PXDNL: variants seen among roughly 807,000 people sequenced by gnomAD.
PXDNL encodes peroxidasin like.
Under a neutral mutation model 150.8 loss-of-function variants are expected in PXDNL, and 145 were observed. The observed-to-expected ratio is 0.96, with a 90% confidence interval of 0.84 to 1.10. The LOEUF is 1.10. PXDNL is among the 50% of genes least tolerant of loss of function. The pLI is 0.00. For synonymous variants in PXDNL, 757 were observed against 725.7 expected (o/e 1.04, Z -0.69); for missense variants, 2,087 against 1,873.9 (o/e 1.11, Z -2.10).
At chr8:51,556,738 A>G (rs1023719894) in intron 4 of PXDNL, 102 bp downstream of exon 4, 18 of 692,982 alleles carry the variant, frequency 2.6e-5, no homozygotes, top group Non-Finnish European at 3.6e-5. Context: ...CCACATGGAG[A>G]AGCTTAAAAT....
chr8:51,663,264 A>G (rs1815312695), intron 1 of PXDNL, among the ~76,000 whole-genome samples: 1 of 152,160 alleles, frequency 6.6e-6, no homozygotes, highest in Non-Finnish European at 1.5e-5. Flanking sequence ...CTGAGACCCC[A>G]GTGATGGACC....
At chr8:51,482,608 A>G (rs750373842) in intron 6 of PXDNL, among the ~76,000 whole-genome samples, 2 of 152,074 alleles carry the variant, frequency 1.3e-5, no homozygotes. Flanking sequence ...AATAATCCCC[A>G]TGTGTCAAGG....
chr8:51,567,368 G>A (rs983506256), intron 3 of PXDNL, among the ~76,000 whole-genome samples: 5 of 151,782 alleles, frequency 3.3e-5, no homozygotes, highest in African/African-American at 1.2e-4. Context: ...ATAGAGGCAT[G>A]TTGAAGCCTT....
At chr8:51,528,415 A>G (rs1310621311) in intron 4 of PXDNL, among the ~76,000 whole-genome samples, 2 of 152,260 alleles carry the variant, frequency 1.3e-5, no homozygotes, top group Non-Finnish European at 2.9e-5. Context: ...AATGTTTAAA[A>G]TGAATTATAG....
intron 1 of PXDNL, among the ~76,000 whole-genome samples, chr8:51,796,266 G>T (rs1005612521): frequency 6.8e-6 from 1 of 148,054 alleles, no homozygotes; most frequent in Non-Finnish European, 1.5e-5. Context: ...AAATAACCAA[G>T]ATCAGAGTGG....
intron 1 of PXDNL, among the ~76,000 whole-genome samples, chr8:51,717,151 G>A (rs1311220448): frequency 6.6e-6 from 1 of 152,116 alleles, no homozygotes; most frequent in Non-Finnish European, 1.5e-5. Flanking sequence ...TTACCAGTGG[G>A]AATGAGAAAG....
chr8:51,501,073 T>A (rs899991646), intron 4 of PXDNL, among the ~76,000 whole-genome samples: 1 of 152,152 alleles, frequency 6.6e-6, no homozygotes, highest in African/African-American at 2.4e-5. Context: ...CTGCCTTAGG[T>A]TGGATCCAGA....
chr8:51,471,139 C>CAA (rs5891416), intron 8 of PXDNL, among the ~76,000 whole-genome samples: 56 of 113,008 alleles, frequency 5.0e-4, no homozygotes, highest in East Asian at 3.7e-3. Flanking sequence ...AACAAATTTA[C>CAA]AAAAAAAAAA....
chr8:51,505,245 T>C (rs1450351254), intron 4 of PXDNL, among the ~76,000 whole-genome samples: 3 of 152,146 alleles, frequency 2.0e-5, no homozygotes, highest in African/African-American at 7.2e-5. Flanking sequence ...CTTCCTATGA[T>C]CTTTAAAACA....
rs1400744235 is a variant in PXDNL, at chr8:51,378,576, C to T, written c.3558-3845G>A. 8.5e-5 allele frequency among the ~76,000 whole-genome samples: 13 copies of T among 152,334 alleles called. No individual in the cohort carries two copies. In the East Asian group the frequency reaches 2.3e-3, roughly 27 times the overall value. On this transcript the variant is annotated intron_variant, in intron 17 of 22. Transcript: ENST00000356297. ...CAATCCTCTGGGGTACCATTCCACT[C>T]TGTGGAAGATTTGTTCTTTTGCGCT...
intron 12 of PXDNL, among the ~76,000 whole-genome samples, chr8:51,431,812 T>A (rs535494011): frequency 6.6e-6 from 1 of 152,210 alleles, no homozygotes; most frequent in Non-Finnish European, 1.5e-5. Context: ...ACATTAATTC[T>A]CAGCAAGCAT....
chr8:51,584,110 A>G (rs1347148170), intron 3 of PXDNL, among the ~76,000 whole-genome samples: 1 of 152,214 alleles, frequency 6.6e-6, no homozygotes, highest in East Asian at 1.9e-4. Flanking sequence ...TACTTCCTTG[A>G]AGATTGGGCT....
intron 4 of PXDNL, among the ~76,000 whole-genome samples, chr8:51,544,640 C>T (rs138821358): frequency 1.0e-3 from 155 of 152,272 alleles, no homozygotes; most frequent in African/African-American, 3.7e-3. Flanking sequence ...AAGAATAAGG[C>T]TAACAAATCC....
chr8:51,488,605 A>G (rs1353755743), intron 5 of PXDNL, among the ~76,000 whole-genome samples: 1 of 152,228 alleles, frequency 6.6e-6, no homozygotes, highest in Non-Finnish European at 1.5e-5. Context: ...AGCCTTCCTC[A>G]TTCTGGAATT....
At position 51,578,132 on chromosome 8, in the gene PXDNL, AAG is replaced by A. The variant is rs1358777278; in HGVS notation, c.308+14493_308+14494del. 2.0e-4 allele frequency among the ~76,000 whole-genome samples: 26 copies of A among 133,310 alleles called. 1 individual carries two copies. Among genetic ancestry groups the A allele is most frequent in the African/African-American group, 6.0e-4 (17 of 28,172 alleles). The allele number at this position is 133,310 out of a possible 152,430, so 87.5% of individuals were successfully genotyped here. ...AAAGAAAGAAAGAAGGAAAGAAAGA[AAG>A]AGTGAGAGAGAGAGAAAGAAAGAGA... On this transcript the variant is annotated intron_variant, in intron 3 of 22. Coordinates refer to ENST00000356297, the MANE Select transcript of PXDNL (RefSeq NM_144651.5).
At chr8:51,711,097 T>C (rs1427386528) in intron 1 of PXDNL, among the ~76,000 whole-genome samples, 4 of 151,626 alleles carry the variant, frequency 2.6e-5, no homozygotes, top group African/African-American at 9.8e-5. Context: ...ACAGATATCA[T>C]GGTATTAAAT....
intron 4 of PXDNL, among the ~76,000 whole-genome samples, chr8:51,514,319 C>T (rs752135697): frequency 9.9e-5 from 15 of 152,182 alleles, no homozygotes; most frequent in Non-Finnish European, 2.2e-4. Context: ...TATATTGTTT[C>T]AGTCAGCAAA....
At position 51,605,925 on chromosome 8, in the gene PXDNL, C is replaced by T. The variant is rs76407204; in HGVS notation, c.237-13227G>A. 1.4e-4 allele frequency among the ~76,000 whole-genome samples: 21 copies of T among 152,304 alleles called. No individual in the cohort carries two copies. The East Asian group carries it at 3.3e-3, about 24-fold the overall frequency. On this transcript the variant is annotated intron_variant, in intron 2 of 22. Coordinates refer to ENST00000356297, the MANE Select transcript of PXDNL (RefSeq NM_144651.5). Reference sequence around the variant, plus strand: ...TTGCCCTCTCACCATGTAATGCCCCCTATCACATTACGAGGCAGCAAGAAA... The same window carrying T: ...TTGCCCTCTCACCATGTAATGCCCCTTATCACATTACGAGGCAGCAAGAAA...
chr8:51,795,328 A>G (rs533052791), intron 1 of PXDNL, among the ~76,000 whole-genome samples: 9 of 152,360 alleles, frequency 5.9e-5, no homozygotes, highest in African/African-American at 2.2e-4. Context: ...CCATCCAGAA[A>G]ACAACACAAT....
Sources: allele counts gnomAD v4.1 joint callset (sites outside exome capture counted in the v4.1 genomes callset), GRCh38; gene constraint gnomAD v4.1.1; transcripts MANE v1.5; gene names NCBI Gene and HGNC (gene_info 2026-07-23, HGNC 2026-07-21).